Variants in ZNF583 observed in about 807,000 individuals in gnomAD.
ZNF583 encodes zinc finger protein L3-5.
ZNF583 carries 30 observed loss-of-function variants against 55.3 expected under a neutral mutation model. That is an observed-to-expected ratio of 0.54 (90% CI 0.41 to 0.74). The LOEUF is 0.74. Among genes scored for constraint, ZNF583 ranks in the 30% least tolerant of loss-of-function variants. ZNF583 has a pLI of 0.00. For synonymous variants in ZNF583, 208 were observed against 220.0 expected, an observed-to-expected ratio of 0.95 and a Z score of 0.48; for missense variants, 504 against 664.7, an observed-to-expected ratio of 0.76 and a Z score of 2.66.
rs114503547 is a variant in ZNF583 at position 56,408,813 on chromosome 19, C to G, written c.9+1690C>G. On this transcript the variant is annotated intron_variant, in intron 2 of 4. Transcript: ENST00000333201. ...CTTCCTATCTTACTTGGAATGAAAT[C>G]CAGTGTCCTAACCATGGCCTATAAG... Among the ~76,000 whole-genome samples, 653 of 152,302 alleles carry G rather than the reference C, an allele frequency of 4.3e-3. 5 individuals carry two copies. Among genetic ancestry groups the G allele is most frequent in the African/African-American group, 0.015 (627 of 41,552 alleles).
chr19:56,408,779 C>T (rs2042194463), intron 2 of ZNF583, among the ~76,000 whole-genome samples: 1 of 152,186 alleles, frequency 6.6e-6, no homozygotes, highest in Admixed American at 6.5e-5. Flanking sequence ...TGCCCAGAAC[C>T]TTCATTGCCT....
In ZNF583 at chr19:56,422,872, GT is replaced by G; in HGVS notation, c.233-16del. ...AGTGAATTAAATACAAAAGTCATTTGTTTCTTGATATCTTTTAGATTGGGAG... is the reference window on the plus strand; with the variant it reads ...AGTGAATTAAATACAAAAGTCATTTGTTCTTGATATCTTTTAGATTGGGAG... On this transcript the variant is annotated intron_variant, in intron 4 of 4. Coordinates refer to ENST00000333201, the MANE Select transcript of ZNF583 (RefSeq NM_152478.3). The G allele has an allele frequency of 6.5e-7, 1 of 1,535,240 alleles. No homozygotes were observed. Among genetic ancestry groups the G allele is most frequent in the African/African-American group, 1.4e-5 (1 of 71,822 alleles).
chr19:56,409,208 G>T (rs755328689), intron 2 of ZNF583, among the ~76,000 whole-genome samples: 1 of 152,148 alleles, frequency 6.6e-6, no homozygotes, highest in Non-Finnish European at 1.5e-5. Flanking sequence ...TTAAGAGGAG[G>T]AACTTTGTTT....
At chr19:56,411,507 A>G (rs1380184324) in intron 2 of ZNF583, among the ~76,000 whole-genome samples, 1 of 152,248 alleles carries the variant, frequency 6.6e-6, no homozygotes, top group Non-Finnish European at 1.5e-5. Context: ...CAGCTAAAAA[A>G]TGTCTCAAGG....
chr19:56,409,536 A>G (rs2042206178), intron 2 of ZNF583, among the ~76,000 whole-genome samples: 1 of 150,812 alleles, frequency 6.6e-6, no homozygotes, highest in Non-Finnish European at 1.5e-5. Flanking sequence ...GGGTCTCACT[A>G]TTTTGCCCAG....
chr19:56,423,121 AAT>A lies in ZNF583; in HGVS notation c.465_466del (p.Asn155LysfsTer4). The A allele has an allele frequency of 1.2e-6, 2 of 1,612,024 alleles. No individual in the cohort carries two copies. The highest frequency in any genetic ancestry group is 1.7e-6 in the Non-Finnish European group (2 of 1,179,482). ...THKEILPEVQ[N>X]KEYNKSWQTF... ...TAAAGAAATCCTTCCAGAAGTTCAA[AAT>A]AAAGAATATAACAAATCTTGGCAAA... is the stretch of plus-strand genomic sequence containing the variant. On this transcript the variant is annotated frameshift_variant, in exon 5 of 5. Coordinates refer to ENST00000333201, the MANE Select transcript of ZNF583 (RefSeq NM_152478.3). LOFTEE classifies it high-confidence loss of function.
rs966003431 is a variant in ZNF583 at position 56,424,713 on chromosome 19, T to C, written c.*345T>C. ...ATCCATCTCATTCTCTGAATACTTA[T>C]CCAGGATTAAGATACATATTCCAGG... On this transcript the variant is annotated 3_prime_UTR_variant, in exon 5 of 5. Transcript: ENST00000333201. 2.2e-4 allele frequency: 41 copies of C among 190,310 alleles called. No individual in the cohort carries two copies. The highest frequency in any genetic ancestry group is 5.3e-4 in the Admixed American group (10 of 18,768). The allele number at this position is 190,310 out of a possible 1,614,324, so 11.8% of individuals were successfully genotyped here.
chr19:56,417,133 A>G (rs1003334846), intron 4 of ZNF583, among the ~76,000 whole-genome samples: 9 of 152,220 alleles, frequency 5.9e-5, no homozygotes, highest in African/African-American at 2.2e-4. Flanking sequence ...TGGGGCTATT[A>G]TAAATAAAGT....
rs947380030 is a variant in ZNF583, at chr19:56,404,950, G to A, written c.-90+498G>A. Among the ~76,000 whole-genome samples, 1 of 152,198 alleles carries A rather than the reference G, an allele frequency of 6.6e-6. No homozygotes were observed. Among genetic ancestry groups the A allele is most frequent in the Admixed American group, 6.5e-5 (1 of 15,298 alleles). ...CTGTGTGTGTGACCTGTGTGTGTGGGATAATGTAAGACTGTGTGACAGTGT... is the reference window on the plus strand; with the variant it reads ...CTGTGTGTGTGACCTGTGTGTGTGGAATAATGTAAGACTGTGTGACAGTGT... On this transcript the variant is annotated intron_variant, in intron 1 of 4. Coordinates refer to ENST00000333201, the MANE Select transcript of ZNF583 (RefSeq NM_152478.3). This position sits in a 1 kb window ranked among gnomAD's most constrained non-coding sequence, Gnocchi z 5.2.
Position 56,424,206 on chromosome 19 carries a change from A to G in ZNF583, c.1548A>G (p.Gly516=). ...CTCTACATCAGAGAATTCATACTGG[A>G]GAAAGACCCTATGAATGTAAAGATT... ...SLTLHQRIHT[G]ERPYECKDCR... Residue 516 remains glycine (G), a synonymous_variant, in exon 5 of 5, where the codon GGA becomes GGG. Coordinates refer to ENST00000333201, the MANE Select transcript of ZNF583 (RefSeq NM_152478.3). The G allele has an allele frequency of 6.2e-7, 1 of 1,613,970 alleles. No homozygotes were observed. The highest frequency in any genetic ancestry group is 8.5e-7 in the Non-Finnish European group (1 of 1,179,986).
In ZNF583 at chr19:56,423,491, G is replaced by T; in HGVS notation, c.833G>T (p.Ser278Ile). The T allele has an allele frequency of 1.2e-6, 2 of 1,614,008 alleles. No homozygotes were observed. The highest frequency in any genetic ancestry group is 1.7e-6 in the Non-Finnish European group (2 of 1,179,960). The change falls in exon 5 of 5, where the codon AGC becomes ATC. Residue 278 changes from serine to isoleucine, a missense_variant. Ser to Ile is a moderately radical substitution (Grantham distance 142). Around this residue, in one of 3 missense-constraint regions of ZNF583, gnomAD observed 237 missense variants for 373.0 expected, o/e 0.64. Coordinates refer to ENST00000333201, the MANE Select transcript of ZNF583 (RefSeq NM_152478.3). ...YECKECRKAF[S>I]QNAHLAQHQR... Reference sequence around the variant, plus strand: ...TGTAAAGAATGTAGGAAAGCCTTCAGCCAGAATGCACACCTGGCCCAACAT... The same window carrying T: ...TGTAAAGAATGTAGGAAAGCCTTCATCCAGAATGCACACCTGGCCCAACAT...
rs1004244026 is a variant in ZNF583 at position 56,426,668 on chromosome 19, C to A, written c.*2300C>A. 6 of 152,108 alleles carry A rather than the reference C, an allele frequency of 3.9e-5. No individual in the cohort carries two copies. Among genetic ancestry groups the A allele is most frequent in the African/African-American group, 1.2e-4 (5 of 41,414 alleles). The allele number at this position is 152,108 out of a possible 1,614,324, so 9.4% of individuals were successfully genotyped here. A position where few individuals can be genotyped will look rare whatever the true frequency, so the allele number is the denominator to read the frequency against. On this transcript the variant is annotated 3_prime_UTR_variant, in exon 5 of 5. Transcript: ENST00000333201. ...AATAAATATGTGGTAAGTACTAAAT[C>A]TCCCTAGGATCAGAAGAAATACAGT...
chr19:56,416,022 A>G (rs1033758682), intron 4 of ZNF583, among the ~76,000 whole-genome samples: 3 of 152,016 alleles, frequency 2.0e-5, no homozygotes, highest in African/African-American at 7.2e-5. Context: ...TTGTGTAACT[A>G]TTCTTTTTTT....
chr19:56,409,113 T>C (rs73934904), intron 2 of ZNF583, among the ~76,000 whole-genome samples: 2,625 of 152,272 alleles, frequency 0.017, 88 homozygotes, highest in African/African-American at 0.06. Flanking sequence ...TTAATCACCC[T>C]TTACCTTCTT....
rs1393115236 is a variant in ZNF583, at chr19:56,425,589, A to G, written c.*1221A>G. ...TAAACAAAGGCAAAATCGAAATTAA[A>G]AAGAAATCTTGAAACAAGTCAGTAA... On this transcript the variant is annotated 3_prime_UTR_variant, in exon 5 of 5. Transcript: ENST00000333201. 6.6e-6 allele frequency: 1 copy of G among 152,236 alleles called. No homozygotes were observed. The highest frequency in any genetic ancestry group is 1.5e-5 in the Non-Finnish European group (1 of 68,034). The allele number at this position is 152,236 out of a possible 1,614,324, so 9.4% of individuals were successfully genotyped here. A position where few individuals can be genotyped will look rare whatever the true frequency, so the allele number is the denominator to read the frequency against.
intron 4 of ZNF583, among the ~76,000 whole-genome samples, chr19:56,417,219 A>T (rs2042340655): frequency 6.6e-6 from 1 of 152,174 alleles, no homozygotes; most frequent in African/African-American, 2.4e-5. Context: ...CTTAAGATGG[A>T]AGAACTGAGT....
At position 56,425,911 on chromosome 19, in the gene ZNF583, T is replaced by G. The variant is rs990647731; in HGVS notation, c.*1543T>G. 1 of 152,202 alleles carries G rather than the reference T, an allele frequency of 6.6e-6. No homozygotes were observed. Among genetic ancestry groups the G allele is most frequent in the Non-Finnish European group, 1.5e-5 (1 of 68,036 alleles). 9.4% of individuals were successfully genotyped at this position (152,202 alleles called of 1,614,324 possible). On this transcript the variant is annotated 3_prime_UTR_variant, in exon 5 of 5. Coordinates refer to ENST00000333201, the MANE Select transcript of ZNF583 (RefSeq NM_152478.3). ...CTGATTCTTTACATCTGACCTCTTT[T>G]AATATTACTTCCTGACCCCAGAATT...
intron 2 of ZNF583, among the ~76,000 whole-genome samples, chr19:56,410,657 G>T (rs539554412): frequency 6.6e-6 from 1 of 152,194 alleles, no homozygotes; most frequent in South Asian, 2.1e-4. Flanking sequence ...AGCCAAGATC[G>T]CACCACTGCT....
intron 4 of ZNF583, among the ~76,000 whole-genome samples, chr19:56,422,287 C>G (rs535549398): frequency 6.6e-6 from 1 of 152,266 alleles, no homozygotes; most frequent in South Asian, 2.1e-4. Flanking sequence ...TAAGACCAAG[C>G]AGTTTGATAC....
Sources: allele counts gnomAD v4.1 joint callset (sites outside exome capture counted in the v4.1 genomes callset), GRCh38; gene constraint gnomAD v4.1.1; regional missense constraint gnomAD v4.1.1; non-coding constraint Gnocchi (gnomAD v3.1); transcripts MANE v1.5; gene names NCBI Gene and HGNC (gene_info 2026-07-23, HGNC 2026-07-21).